GNB1L: variants seen among roughly 807,000 people sequenced by gnomAD.
GNB1L encodes G protein subunit beta 1 like.
Under a neutral mutation model 29.1 loss-of-function variants are expected in GNB1L, and 20 were observed. That is an observed-to-expected ratio of 0.69 (90% CI 0.48 to 1.00). The LOEUF is 1.00. GNB1L is among the 50% of genes least tolerant of loss of function. The probability of loss-of-function intolerance (pLI) is 0.00; values close to 1 mark genes in which losing one functional copy is unlikely to be tolerated. For missense variants in GNB1L, 421 were observed against 464.9 expected (o/e 0.91, Z 0.87); for synonymous variants, 193 against 206.5 (o/e 0.93, Z 0.56).
intron 2 of GNB1L, among the ~76,000 whole-genome samples, chr22:19,844,738 C>T (rs2145899652): frequency 6.6e-6 from 1 of 152,204 alleles, no homozygotes; most frequent in Non-Finnish European, 1.5e-5. Context: ...CTGACTTGGA[C>T]ATTGTTAGCC....
chr22:19,808,078 T>C (rs1375558666), intron 5 of GNB1L, among the ~76,000 whole-genome samples: 1 of 152,176 alleles, frequency 6.6e-6, no homozygotes, highest in Non-Finnish European at 1.5e-5. Flanking sequence ...GCAGGGCTTC[T>C]GCTCCACTCA....
chr22:19,823,744 T>C (rs1445751095), intron 2 of GNB1L, among the ~76,000 whole-genome samples: 1 of 152,008 alleles, frequency 6.6e-6, no homozygotes, highest in African/African-American at 2.4e-5. Flanking sequence ...CACAGACACA[T>C]GCAAAACCCA....
chr22:19,791,672 A>G (rs1300514050), intron 7 of GNB1L, among the ~76,000 whole-genome samples: 1 of 152,102 alleles, frequency 6.6e-6, no homozygotes, highest in African/African-American at 2.4e-5. Context: ...CTCACGGTGG[A>G]CTCCACAGGG....
rs776628538 is a variant in GNB1L, at chr22:19,815,290, G to A, written c.255-2843C>T. On this transcript the variant is annotated intron_variant, in intron 4 of 7. Coordinates refer to ENST00000329517, the MANE Select transcript of GNB1L (RefSeq NM_053004.3). ...CAGAGAATTCAGCACCACAAAGGCC[G>A]ATCTGGGCAACTCGGTCCCGTCCAA... Among the ~76,000 whole-genome samples the A allele has an allele frequency of 9.8e-5, 15 of 152,330 alleles. No homozygotes were observed. In the South Asian group the frequency reaches 1.2e-3, roughly 13 times the overall value.
At chr22:19,852,703 A>C (rs375408673) in intron 2 of GNB1L, among the ~76,000 whole-genome samples, 1 of 152,338 alleles carries the variant, frequency 6.6e-6, no homozygotes, top group South Asian at 2.1e-4. Context: ...TGTCAATTTC[A>C]GAAGAAAAGG....
chr22:19,794,441 G>A (rs563990401), intron 7 of GNB1L, among the ~76,000 whole-genome samples: 4 of 152,298 alleles, frequency 2.6e-5, no homozygotes, highest in Admixed American at 1.3e-4. Context: ...CACACTCTTG[G>A]AGTGCAACCA....
At chr22:19,820,518 TG>T in intron 4 of GNB1L, 79 bp downstream of exon 4, 1 of 1,468,616 alleles carries the variant, frequency 6.8e-7, no homozygotes. Context: ...TGCCCCTCAG[TG>T]GGGGACACCA....
intron 5 of GNB1L, among the ~76,000 whole-genome samples, chr22:19,810,549 G>C (rs4819523): frequency 0.48 from 73,242 of 152,058 alleles, 18,666 homozygotes; most frequent in African/African-American, 0.64. Flanking sequence ...GTCTACCTGG[G>C]CTGGGTCCTC....
At chr22:19,804,290 G>A (rs1280983988) in intron 6 of GNB1L, among the ~76,000 whole-genome samples, 1 of 152,222 alleles carries the variant, frequency 6.6e-6, no homozygotes, top group Non-Finnish European at 1.5e-5. Context: ...AGACCTGGAG[G>A]CCAGGCCTCA....
intron 2 of GNB1L, chr22:19,846,647 G>C: frequency 2.6e-6 from 2 of 777,620 alleles, no homozygotes; most frequent in South Asian, 1.2e-4. Flanking sequence ...TTGAAGACAG[G>C]GTCTTTAAAG....
chr22:19,817,190 T>C (rs527317056), intron 4 of GNB1L, among the ~76,000 whole-genome samples: 1 of 152,298 alleles, frequency 6.6e-6, no homozygotes, highest in African/African-American at 2.4e-5. Flanking sequence ...ACTTTGTTCA[T>C]TAAAGACACC....
chr22:19,849,384 TTGGGATGGAG>T (rs1938041465), intron 2 of GNB1L: 1 of 818,210 alleles, frequency 1.2e-6, no homozygotes, highest in Non-Finnish European at 1.5e-6. Context: ...TTTTTTTTTT[TTGGGATGGAG>T]TTTCACTCTT....
Position 19,788,540 on chromosome 22 carries a change from G to T in GNB1L, c.*169C>A. The T allele has an allele frequency of 1.1e-6, 1 of 894,056 alleles. No individual in the cohort carries two copies. The highest frequency in any genetic ancestry group is 1.9e-6 in the Non-Finnish European group (1 of 533,118). 55.4% of individuals were successfully genotyped at this position (894,056 alleles called of 1,614,324 possible). ...CCCCAGAGTCACCGTCCTGTGATGA[G>T]GCACTCCACAAAAGGAAATACCAAC... On this transcript the variant is annotated 3_prime_UTR_variant, in exon 8 of 8. Coordinates refer to ENST00000329517, the MANE Select transcript of GNB1L (RefSeq NM_053004.3).
At chr22:19,835,215 G>T (rs1937742712) in intron 2 of GNB1L, among the ~76,000 whole-genome samples, 1 of 152,168 alleles carries the variant, frequency 6.6e-6, no homozygotes, top group South Asian at 2.1e-4. Context: ...TGGTCAGGAA[G>T]TCATACAGAA....
intron 6 of GNB1L, among the ~76,000 whole-genome samples, chr22:19,804,568 A>C (rs1164032842): frequency 6.6e-6 from 1 of 152,024 alleles, no homozygotes; most frequent in African/African-American, 2.4e-5. Context: ...AAATTTTTTA[A>C]ATAAATAAAA....
At chr22:19,812,706 G>C (rs1207450553) in intron 4 of GNB1L, among the ~76,000 whole-genome samples, 1 of 152,196 alleles carries the variant, frequency 6.6e-6, no homozygotes, top group Non-Finnish European at 1.5e-5. Flanking sequence ...GTGGCCCCGG[G>C]GTGGGGGACA....
In GNB1L at chr22:19,806,728, C is replaced by A. The variant is rs201065594; in HGVS notation, c.447G>T (p.Thr149=). ...EVQILEMPSK[T]SVCALKPKAD... is the part of the protein sequence containing the mutation. Reference sequence around the variant, plus strand: ...CCTTCGGCTTCAGGGCGCACACTGACGTCTTGGAGGGCATCTCCAGAATCT... The same window carrying A: ...CCTTCGGCTTCAGGGCGCACACTGAAGTCTTGGAGGGCATCTCCAGAATCT... The change falls in exon 6 of 8, where the codon ACG becomes ACT. Residue 149 remains threonine (T), a synonymous_variant. Coordinates refer to ENST00000329517, the MANE Select transcript of GNB1L (RefSeq NM_053004.3). 7.4e-6 allele frequency: 12 copies of A among 1,613,366 alleles called. No individual in the cohort carries two copies. The highest frequency in any genetic ancestry group is 1.0e-5 in the Non-Finnish European group (12 of 1,179,648).
At chr22:19,812,065 G>A (rs1937506736) in intron 5 of GNB1L, among the ~76,000 whole-genome samples, 1 of 152,196 alleles carries the variant, frequency 6.6e-6, no homozygotes, top group African/African-American at 2.4e-5. Flanking sequence ...AACGCCTCCT[G>A]ATTCTCCCAC....
In GNB1L at chr22:19,804,978, C is replaced by T. The variant is rs115560597; in HGVS notation, c.516+1681G>A. ...CCTGCGGGGTTGCAGCCTTGGGGGG[C>T]GTTTTTCCTCCCAGCGGAGCCCATG... On this transcript the variant is annotated intron_variant, in intron 6 of 7. Transcript: ENST00000329517. Among the ~76,000 whole-genome samples, 571 of 152,318 alleles carry T rather than the reference C, an allele frequency of 3.7e-3. 1 individual carries two copies. The highest frequency in any genetic ancestry group is 0.013 in the African/African-American group (546 of 41,560).
Sources: allele counts gnomAD v4.1 joint callset (sites outside exome capture counted in the v4.1 genomes callset), GRCh38; gene constraint gnomAD v4.1.1; transcripts MANE v1.5; gene names NCBI Gene and HGNC (gene_info 2026-07-23, HGNC 2026-07-21).